Variants in GSE1 observed in about 807,000 individuals in gnomAD.
GSE1 encodes the protein Gse1 coiled-coil protein, also known as genetic suppressor element 1.
A neutral mutation model predicts 112.6 loss-of-function variants in GSE1; 32 were observed. The observed-to-expected ratio is 0.28, with a 90% CI of 0.21 to 0.38. GSE1 has a LOEUF of 0.38. GSE1 is among the 10% of genes least tolerant of loss of function. GSE1 has a pLI of 1.00. For missense variants in GSE1, 2,348 were observed against 1,699.2 expected, an observed-to-expected ratio of 1.38 and a Z score of -6.71; for synonymous variants, 1,115 against 735.6, an observed-to-expected ratio of 1.52 and a Z score of -8.35.
intron 2 of GSE1, among the ~76,000 whole-genome samples, chr16:85,420,937 AG>A (rs1297577978): frequency 6.6e-6 from 1 of 152,150 alleles, no homozygotes; most frequent in Non-Finnish European, 1.5e-5. Context: ...GCTGTCCTGC[AG>A]GGGGCGCGCT....
In GSE1 at chr16:85,349,707, G is replaced by T. The variant is rs144668219; in HGVS notation, c.2284-7756G>T. 9.9e-5 allele frequency among the ~76,000 whole-genome samples: 15 copies of T among 152,250 alleles called. No individual in the cohort carries two copies. The East Asian group carries it at 2.7e-3, about 28-fold the overall frequency. On this transcript the variant is annotated intron_variant, in intron 1 of 2. Transcript: ENST00000637419. ...TTCCTCGGGGCGAAGAGGAGGCGACGCCGTGTTCTTTTGTGTTGTCAGGAT... is the reference window on the plus strand; with the variant it reads ...TTCCTCGGGGCGAAGAGGAGGCGACTCCGTGTTCTTTTGTGTTGTCAGGAT...
intron 1 of GSE1, among the ~76,000 whole-genome samples, chr16:85,331,509 G>A (rs1567693013): frequency 8.7e-6 from 1 of 115,174 alleles, no homozygotes; most frequent in African/African-American, 3.3e-5. Flanking sequence ...GTGTATATAT[G>A]TATATATGTG....
chr16:85,553,464 C>T (rs2151247033), upstream of GSE1, among the ~76,000 whole-genome samples: 1 of 151,836 alleles, frequency 6.6e-6, no homozygotes, highest in East Asian at 1.9e-4. Flanking sequence ...CCCCGAGCGG[C>T]CGGTTTCCTA....
At chr16:85,359,869 C>T (rs986256539) in intron 2 of GSE1, among the ~76,000 whole-genome samples, 5 of 151,866 alleles carry the variant, frequency 3.3e-5, no homozygotes, top group Non-Finnish European at 5.9e-5. Context: ...TCTGTCTCTA[C>T]AAAAAAATAC....
intron 1 of GSE1, among the ~76,000 whole-genome samples, chr16:85,574,619 G>A (rs1404044598): frequency 6.6e-6 from 1 of 152,196 alleles, no homozygotes; most frequent in African/African-American, 2.4e-5. Flanking sequence ...GGGCCTCTCC[G>A]CCCGGCCTCC....
At chr16:85,603,978 G>T (rs537549979) in intron 1 of GSE1, among the ~76,000 whole-genome samples, 2 of 152,004 alleles carry the variant, frequency 1.3e-5, no homozygotes, top group African/African-American at 4.8e-5. Context: ...CGGTATAATT[G>T]GTTCATGGTT....
At chr16:85,499,480 T>G (rs1018060618) in intron 2 of GSE1, among the ~76,000 whole-genome samples, 5 of 151,598 alleles carry the variant, frequency 3.3e-5, no homozygotes, top group Admixed American at 6.6e-5. Flanking sequence ...CCGGCTAATT[T>G]TTTGTATTTT....
At chr16:85,640,968 C>T (rs1369096535) in intron 2 of GSE1, among the ~76,000 whole-genome samples, 2 of 152,246 alleles carry the variant, frequency 1.3e-5, no homozygotes, top group Admixed American at 6.5e-5. Flanking sequence ...GGAGAGGACC[C>T]CACCACCTAT....
chr16:85,323,735 C>T (rs1387496342), intron 1 of GSE1, among the ~76,000 whole-genome samples: 1 of 152,214 alleles, frequency 6.6e-6, no homozygotes, highest in Non-Finnish European at 1.5e-5. Flanking sequence ...GGCAACTGTG[C>T]AGACACTTGG....
chr16:85,527,250 G>C (rs2052393144), intron 2 of GSE1, among the ~76,000 whole-genome samples: 1 of 152,240 alleles, frequency 6.6e-6, no homozygotes, highest in African/African-American at 2.4e-5. Flanking sequence ...GCTGGCTCCG[G>C]CCTCGCCCAC....
At chr16:85,639,440 C>A (rs1246975968) in intron 2 of GSE1, among the ~76,000 whole-genome samples, 1 of 152,236 alleles carries the variant, frequency 6.6e-6, no homozygotes, top group Non-Finnish European at 1.5e-5. Flanking sequence ...GGGTCCCAGC[C>A]CTGTGTCCCA....
intron 1 of GSE1, among the ~76,000 whole-genome samples, chr16:85,567,494 C>G (rs1034710002): frequency 6.6e-6 from 1 of 152,058 alleles, no homozygotes; most frequent in Non-Finnish European, 1.5e-5. Context: ...AGACCGCAGC[C>G]GGGGCTCTCA....
chr16:85,630,353 C>G lies in GSE1; in HGVS notation c.8-3561C>G, dbSNP rs527465941. 7.9e-5 allele frequency among the ~76,000 whole-genome samples: 12 copies of G among 152,312 alleles called. No individual in the cohort carries two copies. In the South Asian group the frequency reaches 2.5e-3, roughly 32 times the overall value. ...GACTGATGAAGACTTTATAGACATT[C>G]TTTTTATTTTTTGAGAGACAGGGTT... is the stretch of plus-strand genomic sequence containing the variant. On this transcript the variant is annotated intron_variant, in intron 1 of 15. Coordinates refer to ENST00000253458, the MANE Select transcript of GSE1 (RefSeq NM_014615.5).
intron 1 of GSE1, among the ~76,000 whole-genome samples, chr16:85,613,859 TGGG>T (rs569458973): frequency 4.8e-4 from 23 of 47,714 alleles, no homozygotes; most frequent in African/African-American, 1.4e-3. Context: ...AGCGGGGGTG[TGGG>T]GGGGGGGGGT....
At chr16:85,621,224 G>T (rs1007635331) in intron 1 of GSE1, among the ~76,000 whole-genome samples, 1 of 150,594 alleles carries the variant, frequency 6.6e-6, no homozygotes, top group Non-Finnish European at 1.5e-5. Flanking sequence ...GGTCTCTGCT[G>T]TGTTGGGGAA....
chr16:85,232,260 G>A (rs917182640), intron 1 of GSE1, among the ~76,000 whole-genome samples: 1 of 152,230 alleles, frequency 6.6e-6, no homozygotes, highest in Non-Finnish European at 1.5e-5. Context: ...TGTGGCCACA[G>A]TGTGCTCCCC....
chr16:85,396,838 G>C (rs1203566023), intron 2 of GSE1, among the ~76,000 whole-genome samples: 1 of 152,212 alleles, frequency 6.6e-6, no homozygotes, highest in African/African-American at 2.4e-5. Flanking sequence ...TCCTGTCTGT[G>C]TGTGAGATGG....
At chr16:85,194,957 C>T (rs1032124879) in intron 1 of GSE1, among the ~76,000 whole-genome samples, 5 of 151,980 alleles carry the variant, frequency 3.3e-5, no homozygotes, top group East Asian at 1.9e-4. Context: ...CAGGGCCGGT[C>T]GTGAGGCCAG....
chr16:85,663,783 C>G (rs575885688), intron 11 of GSE1, among the ~76,000 whole-genome samples, 169 bp downstream of exon 11: 1 of 152,246 alleles, frequency 6.6e-6, no homozygotes, highest in Admixed American at 6.5e-5. Flanking sequence ...CTTACAAGCC[C>G]TCCATAGCAG....
Sources: gnomAD v4.1 joint callset for allele counts (sites outside exome capture counted in the v4.1 genomes callset) on GRCh38, gnomAD v4.1.1 for gene constraint, MANE v1.5 for transcripts, NCBI Gene and HGNC (gene_info 2026-07-23, HGNC 2026-07-21) for gene names.